The following ANGPTL2 variants were observed in gnomAD, a reference collection of about 807,000 sequenced individuals.
The protein encoded by ANGPTL2 is angiopoietin like 2, also known as angiopoietin-related protein 2.
Under a neutral mutation model 52.8 loss-of-function variants are expected in ANGPTL2, and 25 were observed. That is an observed-to-expected ratio of 0.47 (90% confidence interval 0.35 to 0.66). The LOEUF is 0.66. Ranked by LOEUF, ANGPTL2 falls within the 30% of genes least tolerant of loss-of-function variation. ANGPTL2 has a pLI of 0.01. For synonymous variants in ANGPTL2, 276 were observed against 277.4 expected, an observed-to-expected ratio of 1.00 and a Z score of 0.05; for missense variants, 546 against 656.9, an observed-to-expected ratio of 0.83 and a Z score of 1.84.
At chr9:127,090,869 G>A (rs745703306) in intron 4 of ANGPTL2, among the ~76,000 whole-genome samples, 6 of 152,198 alleles carry the variant, frequency 3.9e-5, no homozygotes, top group Non-Finnish European at 5.9e-5. Context: ...TTAACTGTGT[G>A]GGAGGCTGAT....
At chr9:127,092,698 C>G (rs144905981) in intron 3 of ANGPTL2, among the ~76,000 whole-genome samples, 46 of 152,268 alleles carry the variant, frequency 3.0e-4, no homozygotes, top group African/African-American at 1.0e-3. Context: ...CTCAGAATGC[C>G]TGAGGGTGAA....
Position 127,091,788 on chromosome 9 carries a change from A to G in ANGPTL2, c.1164T>C (p.Pro388=). 1.2e-6 allele frequency: 2 copies of G among 1,614,156 alleles called. No homozygotes were observed. The highest frequency in any genetic ancestry group is 1.7e-4 in the Middle Eastern group (1 of 6,058). ...FAEYASFRLE[P]ESEYYKLRLG... ...GCCGCAGCTTATAATACTCGCTCTC[A>G]GGTTCCAGGCGGAAACTGGCGTATT... is the stretch of plus-strand genomic sequence containing the variant. The change falls in exon 4 of 5, where the codon CCT becomes CCC. Residue 388 remains proline, a synonymous_variant. Coordinates refer to ENST00000373425, the MANE Select transcript of ANGPTL2 (RefSeq NM_012098.3). The surrounding 1 kb of genome is among the most constrained non-coding windows in gnomAD (Gnocchi z 4.3).
intron 3 of ANGPTL2, among the ~76,000 whole-genome samples, chr9:127,093,074 C>G (rs997711868): frequency 6.6e-6 from 1 of 152,098 alleles, no homozygotes; most frequent in Non-Finnish European, 1.5e-5. Context: ...CAAAATAATG[C>G]ACGAAAGCCC....
chr9:127,112,048 G>A (rs1403679645), intron 1 of ANGPTL2, among the ~76,000 whole-genome samples: 1 of 152,208 alleles, frequency 6.6e-6, no homozygotes, highest in Admixed American at 6.5e-5. Context: ...CCTTGGACCA[G>A]CCAGTGAGCA....
In ANGPTL2 at chr9:127,091,546, C is replaced by A. The variant is rs79053350; in HGVS notation, c.1282+124G>T. Reference sequence around the variant, plus strand: ...CTCAGGGGGTGGTAACAGGGTCAGGCAGCTTGGCCCAGCTGCTTCTCACCC... The same window carrying A: ...CTCAGGGGGTGGTAACAGGGTCAGGAAGCTTGGCCCAGCTGCTTCTCACCC... On this transcript the variant is annotated intron_variant, in intron 4 of 4. Transcript: ENST00000373425. The surrounding 1 kb of genome is among the most constrained non-coding windows in gnomAD (Gnocchi z 4.3). 44,017 of 1,348,166 alleles carry A rather than the reference C, an allele frequency of 0.033. 884 individuals carry two copies. The highest frequency in any genetic ancestry group is 0.039 in the Non-Finnish European group (38,254 of 990,696). 83.5% of individuals were successfully genotyped at this position (1,348,166 alleles called of 1,614,324 possible).
At chr9:127,106,373 G>A (rs2137025667) in intron 2 of ANGPTL2, among the ~76,000 whole-genome samples, 1 of 152,258 alleles carries the variant, frequency 6.6e-6, no homozygotes, top group Non-Finnish European at 1.5e-5. Flanking sequence ...GCTAAAAAAG[G>A]GACTGTTTAT....
chr9:127,118,444 A>G (rs568309624), intron 1 of ANGPTL2, among the ~76,000 whole-genome samples: 18 of 152,382 alleles, frequency 1.2e-4, no homozygotes, highest in Admixed American at 7.8e-4. Context: ...AAGAAATGCT[A>G]TTCAATGAAT....
chr9:127,104,378 C>T (rs2054020488), intron 2 of ANGPTL2, among the ~76,000 whole-genome samples: 1 of 152,230 alleles, frequency 6.6e-6, no homozygotes, highest in Non-Finnish European at 1.5e-5. Flanking sequence ...TCCCAGAACC[C>T]AGGTGCCTGC....
intron 2 of ANGPTL2, among the ~76,000 whole-genome samples, chr9:127,098,129 A>C (rs919347040): frequency 1.3e-5 from 2 of 152,232 alleles, no homozygotes; most frequent in African/African-American, 2.4e-5. Context: ...TAAATGTAAG[A>C]TATTTACCAG....
At chr9:127,108,889 C>T in intron 1 of ANGPTL2, 109 bp from the exon 2 acceptor site, 1 of 791,308 alleles carries the variant, frequency 1.3e-6, no homozygotes, top group Non-Finnish European at 1.9e-6. Context: ...TCCAAAAACT[C>T]TGCTTCAGGA....
chr9:127,116,699 G>A (rs992450464), intron 1 of ANGPTL2, among the ~76,000 whole-genome samples: 1 of 152,224 alleles, frequency 6.6e-6, no homozygotes, highest in Admixed American at 6.5e-5. Flanking sequence ...AGGCTGAGAA[G>A]TTGGCACCAG....
At position 127,108,426 on chromosome 9, in the gene ANGPTL2, C is replaced by G. The variant is rs1564594997; in HGVS notation, c.306G>C (p.Gln102His). 6.2e-7 allele frequency: 1 copy of G among 1,608,402 alleles called. No homozygotes were observed. Among genetic ancestry groups the G allele is most frequent in the Non-Finnish European group, 8.5e-7 (1 of 1,178,790 alleles). The change falls in exon 2 of 5, where the codon CAG (glutamine) becomes CAC (histidine). Residue 102 changes from glutamine (Q) to histidine (H), a missense_variant. This residue lies in a region of ANGPTL2 where 285 missense variants were observed against 295.8 expected (regional missense o/e 0.96). Transcript: ENST00000373425. The stretch of plus-strand genomic sequence containing the variant: ...CCACCAGCTGCTGCAGCGTCTCGAT[C>G]TGCCGCTTCTGCTTGAGCAGCTCAT... ...LNNELLKQKRQIETLQQLVEV... is the reference protein window; with the variant it reads ...LNNELLKQKRHIETLQQLVEV...
At chr9:127,097,395 C>T (rs10987559) in intron 2 of ANGPTL2, among the ~76,000 whole-genome samples, 26,762 of 152,226 alleles carry the variant, frequency 0.18, 3,151 homozygotes, top group East Asian at 0.45. Flanking sequence ...TGTCTGTACA[C>T]GGAATTTCAC....
intron 1 of ANGPTL2, among the ~76,000 whole-genome samples, chr9:127,116,115 T>G (rs753776968): frequency 2.0e-5 from 3 of 152,110 alleles, no homozygotes; most frequent in African/African-American, 7.2e-5. Flanking sequence ...CAGCTAGCCA[T>G]TGTGCATTGC....
At chr9:127,112,438 G>A (rs1176641809) in intron 1 of ANGPTL2, among the ~76,000 whole-genome samples, 1 of 152,248 alleles carries the variant, frequency 6.6e-6, no homozygotes, top group Non-Finnish European at 1.5e-5. Context: ...GCCCATGTGG[G>A]CGCAGGGCTC....
At chr9:127,093,528 G>A (rs551318598) in intron 3 of ANGPTL2, among the ~76,000 whole-genome samples, 4 of 152,302 alleles carry the variant, frequency 2.6e-5, no homozygotes, top group South Asian at 2.1e-4. Context: ...CAGAGGAGGC[G>A]CTGGTCCTCA....
chr9:127,094,358 G>C (rs2052859086), intron 2 of ANGPTL2, among the ~76,000 whole-genome samples: 1 of 152,142 alleles, frequency 6.6e-6, no homozygotes, highest in Non-Finnish European at 1.5e-5. Flanking sequence ...GGCAACATCA[G>C]TCAGTGCCTG....
chr9:127,092,870 A>AG (rs1173875959), intron 3 of ANGPTL2, among the ~76,000 whole-genome samples: 3 of 152,092 alleles, frequency 2.0e-5, no homozygotes, highest in Admixed American at 2.0e-4. Flanking sequence ...AGACTCAAGA[A>AG]GGGGCATGGC....
intron 3 of ANGPTL2, among the ~76,000 whole-genome samples, chr9:127,093,387 C>T (rs886612946): frequency 3.3e-5 from 5 of 152,162 alleles, no homozygotes; most frequent in Admixed American, 6.5e-5. Context: ...CCCATGGAAA[C>T]CCCACTTGGG....
Sources: allele counts gnomAD v4.1 joint callset (sites outside exome capture counted in the v4.1 genomes callset), GRCh38; gene constraint gnomAD v4.1.1; regional missense constraint gnomAD v4.1.1; non-coding constraint Gnocchi (gnomAD v3.1); transcripts MANE v1.5; gene names NCBI Gene and HGNC (gene_info 2026-07-23, HGNC 2026-07-21).